MECOM: variants seen among roughly 807,000 people sequenced by gnomAD.
MECOM encodes the protein MDS1 and EVI1 complex locus.
MECOM carries 13 observed loss-of-function variants against 116.3 expected under a neutral mutation model. The observed-to-expected ratio is 0.11, with a 90% CI of 0.07 to 0.18. The LOEUF (loss-of-function observed/expected upper bound fraction) is 0.18. Ranked by LOEUF, MECOM falls within the 10% of genes least tolerant of loss-of-function variation. The pLI is 1.00. For synonymous variants in MECOM, 528 were observed against 535.2 expected (o/e 0.99, Z 0.19); for missense variants, 1,299 against 1,509.0 (o/e 0.86, Z 2.31).
At chr3:169,407,222 C>G (rs1009337831) in intron 1 of MECOM, among the ~76,000 whole-genome samples, 1 of 152,154 alleles carries the variant, frequency 6.6e-6, no homozygotes, top group Admixed American at 6.5e-5. Flanking sequence ...CAAATAAACT[C>G]ATTAAAATTT....
intron 2 of MECOM, among the ~76,000 whole-genome samples, chr3:169,155,749 A>G (rs562922743): frequency 2.4e-4 from 36 of 152,144 alleles, no homozygotes; most frequent in Non-Finnish European, 4.3e-4. Flanking sequence ...CTCTACACAA[A>G]TCTTTAGCAC....
chr3:169,093,495 C>G (rs145239783), intron 13 of MECOM, among the ~76,000 whole-genome samples: 293 of 152,250 alleles, frequency 1.9e-3, no homozygotes, highest in African/African-American at 6.8e-3. Flanking sequence ...AGTCAACATG[C>G]CTTTTTATTT....
In MECOM at chr3:169,483,575, G is replaced by A. The variant is rs534272646; in HGVS notation, c.38-102051C>T. 230 of 826,120 alleles carry A rather than the reference G, an allele frequency of 2.8e-4. 1 individual carries two copies. Among genetic ancestry groups the A allele is most frequent in the Non-Finnish European group, 3.6e-4 (197 of 543,396 alleles). 51.2% of individuals were successfully genotyped at this position (826,120 alleles called of 1,614,324 possible). A position where few individuals can be genotyped will look rare whatever the true frequency, so the allele number is the denominator to read the frequency against. ...CTTTGACTATGATTTCCAATTTTCT[G>A]TTCAATCCACACTGCAGAGATACAA... On this transcript the variant is annotated intron_variant, in intron 1 of 16. Transcript: ENST00000651503.
chr3:169,558,853 T>C (rs993829180), intron 1 of MECOM, among the ~76,000 whole-genome samples: 7 of 152,060 alleles, frequency 4.6e-5, no homozygotes, highest in Non-Finnish European at 8.8e-5. Context: ...TGCTTAAACC[T>C]TTGGGAAAAA....
chr3:169,374,858 C>T (rs1317401136), intron 2 of MECOM, among the ~76,000 whole-genome samples: 2 of 151,766 alleles, frequency 1.3e-5, no homozygotes, highest in African/African-American at 2.4e-5. Flanking sequence ...CATAATGAGA[C>T]CCCATCTCTA....
chr3:169,517,098 T>G (rs1756724061), intron 1 of MECOM, among the ~76,000 whole-genome samples: 1 of 152,080 alleles, frequency 6.6e-6, no homozygotes, highest in East Asian at 1.9e-4. Flanking sequence ...ACACCTAAAA[T>G]TCCATGGATC....
At chr3:169,302,104 A>G (rs913647116) in intron 2 of MECOM, among the ~76,000 whole-genome samples, 1 of 152,220 alleles carries the variant, frequency 6.6e-6, no homozygotes, top group African/African-American at 2.4e-5. Flanking sequence ...GCCTTTTTAA[A>G]CACAATTGGG....
intron 1 of MECOM, among the ~76,000 whole-genome samples, chr3:169,600,220 C>A (rs1435468085): frequency 6.6e-6 from 1 of 152,088 alleles, no homozygotes; most frequent in Non-Finnish European, 1.5e-5. Flanking sequence ...GATCTGCCCA[C>A]CTCAGCCTCC....
intron 1 of MECOM, among the ~76,000 whole-genome samples, chr3:169,627,252 A>G (rs143799724): frequency 2.6e-5 from 4 of 152,334 alleles, no homozygotes; most frequent in Non-Finnish European, 5.9e-5. Flanking sequence ...GGGAGATGCG[A>G]AAGTCATTTT....
chr3:169,263,123 A>C (rs1488083652), intron 2 of MECOM, among the ~76,000 whole-genome samples: 15 of 19,638 alleles, frequency 7.6e-4, no homozygotes, highest in African/African-American at 3.4e-3. Context: ...ATATATATAT[A>C]TATATGTTTT....
intron 1 of MECOM, among the ~76,000 whole-genome samples, chr3:169,472,676 AGG>A (rs1368716637): frequency 3.0e-4 from 23 of 75,836 alleles, no homozygotes; most frequent in Non-Finnish European, 4.4e-4. Flanking sequence ...AGGAAAGGAG[AGG>A]AGAGGAAAGG....
At chr3:169,217,266 C>CTT (rs149719321) in intron 2 of MECOM, among the ~76,000 whole-genome samples, 2 of 147,758 alleles carry the variant, frequency 1.4e-5, no homozygotes, top group East Asian at 2.0e-4. Flanking sequence ...CTCTTGGAGT[C>CTT]TTTTTTTTTT....
At chr3:169,408,644 C>T (rs766489148) in intron 1 of MECOM, among the ~76,000 whole-genome samples, 14 of 152,086 alleles carry the variant, frequency 9.2e-5, no homozygotes, top group Non-Finnish European at 1.9e-4. Flanking sequence ...TTATCAACCA[C>T]AGTACTATTA....
At chr3:169,659,338 CTTT>C in intron 1 of MECOM, among the ~76,000 whole-genome samples, 1 of 149,540 alleles carries the variant, frequency 6.7e-6, no homozygotes, top group East Asian at 2.0e-4. Context: ...AGAAGCCTTG[CTTT>C]TTAGCCTTTC....
intron 1 of MECOM, among the ~76,000 whole-genome samples, chr3:169,592,796 C>G (rs571685760): frequency 6.6e-6 from 1 of 152,138 alleles, no homozygotes; most frequent in South Asian, 2.1e-4. Flanking sequence ...GCATTTTCCA[C>G]AATTACATGT....
chr3:169,589,404 T>C (rs1388652148), intron 1 of MECOM, among the ~76,000 whole-genome samples: 1 of 152,098 alleles, frequency 6.6e-6, no homozygotes, highest in Non-Finnish European at 1.5e-5. Flanking sequence ...GGCCATCCCA[T>C]ATCCCTACGC....
chr3:169,662,372 C>A (rs1469052124), intron 1 of MECOM, among the ~76,000 whole-genome samples: 1 of 152,176 alleles, frequency 6.6e-6, no homozygotes, highest in Non-Finnish European at 1.5e-5. Context: ...CGGCGCCCAG[C>A]AAGCCCGAGG....
intron 1 of MECOM, among the ~76,000 whole-genome samples, chr3:169,461,582 A>G (rs888202363): frequency 6.6e-6 from 1 of 152,132 alleles, no homozygotes; most frequent in African/African-American, 2.4e-5. Flanking sequence ...ACTGTACCAC[A>G]TTTCCAGCAG....
intron 2 of MECOM, among the ~76,000 whole-genome samples, chr3:169,376,776 G>T (rs1227646931): frequency 6.6e-6 from 1 of 152,082 alleles, no homozygotes; most frequent in Non-Finnish European, 1.5e-5. Context: ...TAGATTCAAT[G>T]TTATCCCATC....
Sources: allele counts gnomAD v4.1 joint callset (sites outside exome capture counted in the v4.1 genomes callset), GRCh38; gene constraint gnomAD v4.1.1; transcripts MANE v1.5; gene names NCBI Gene and HGNC (gene_info 2026-07-23, HGNC 2026-07-21).